TRMT2B: variants seen among roughly 807,000 people sequenced by gnomAD.
TRMT2B encodes tRNA (uracil-5-)-methyltransferase homolog B.
A neutral mutation model predicts 39.7 loss-of-function variants in TRMT2B; 34 were observed. The observed-to-expected ratio is 0.86, with a 90% confidence interval of 0.65 to 1.14. The LOEUF (loss-of-function observed/expected upper bound fraction) is 1.14, where lower values mean the gene tolerates loss of function less well. Among genes scored for constraint, TRMT2B ranks in the 50% most tolerant of loss-of-function variants. TRMT2B has a pLI of 0.00. For synonymous variants in TRMT2B, 132 were observed against 137.3 expected, an observed-to-expected ratio of 0.96 and a Z score of 0.27; for missense variants, 318 against 377.2, an observed-to-expected ratio of 0.84 and a Z score of 1.30.
At position 101,023,629 on chromosome X, in the gene TRMT2B, C is replaced by A. The variant is rs1569478210; in HGVS notation, c.610-13G>T. 6.7e-6 allele frequency: 8 copies of A among 1,185,917 alleles called. No individual in the cohort carries two copies. Among genetic ancestry groups the A allele is most frequent in the Non-Finnish European group, 9.1e-6 (8 of 876,427 alleles). On this transcript the variant is annotated splice_polypyrimidine_tract_variant and intron_variant, in intron 7 of 13. Transcript: ENST00000372936. ...ATACTTCATAGTACTAGGAAGAGAA[C>A]CGAATTATTACACAAGCAAAACTAG...
At chrX:100,979,493 T>A in the TRMT2B span, among the ~76,000 whole-genome samples, 1 of 112,303 alleles carries the variant, frequency 8.9e-6, no homozygotes, top group African/African-American at 3.2e-5. Flanking sequence ...TCTGATAAAT[T>A]CTGAATTCCT....
At chrX:101,039,996 G>T (rs1196046906) in intron 4 of TRMT2B, among the ~76,000 whole-genome samples, 1 of 110,949 alleles carries the variant, frequency 9.0e-6, no homozygotes, top group Non-Finnish European at 1.9e-5. Flanking sequence ...GTGGGTATCA[G>T]AAGAACTGCA....
At chrX:101,037,421 C>A in intron 5 of TRMT2B, 1 of 187,058 alleles carries the variant, frequency 5.3e-6, no homozygotes, top group Admixed American at 7.1e-5. Flanking sequence ...GGCTGTGTTC[C>A]AATAAAACTT....
chrX:101,007,086 T>C (rs2086113444), downstream of TRMT2B, among the ~76,000 whole-genome samples: 1 of 111,448 alleles, frequency 9.0e-6, no homozygotes, highest in South Asian at 3.7e-4. Flanking sequence ...AGGAAGTTGA[T>C]TTTCCATAGC....
At chrX:100,990,072 A>G in the TRMT2B span, among the ~76,000 whole-genome samples, 1 of 112,953 alleles carries the variant, frequency 8.9e-6, no homozygotes, top group East Asian at 2.8e-4. Context: ...TGGGACACAG[A>G]TAAGATGTTA....
chrX:100,995,882 C>T, the TRMT2B span, among the ~76,000 whole-genome samples: 2 of 112,191 alleles, frequency 1.8e-5, no homozygotes, highest in African/African-American at 6.5e-5. Flanking sequence ...TATAAGAGCA[C>T]TTCTCTAAAG....
At chrX:101,018,676 C>T (rs1321158559) in intron 13 of TRMT2B, among the ~76,000 whole-genome samples, 3 of 110,958 alleles carry the variant, frequency 2.7e-5, no homozygotes, top group Admixed American at 9.7e-5. Context: ...TGGTCTTGAA[C>T]TCCTGAGCTC....
At chrX:101,024,536 A>C (rs1163568188) in intron 7 of TRMT2B, among the ~76,000 whole-genome samples, 1 of 111,356 alleles carries the variant, frequency 9.0e-6, no homozygotes, top group Non-Finnish European at 1.9e-5. Context: ...AAAATAAAAA[A>C]AATTAGGCCG....
At chrX:101,048,910 T>C (rs2088866960) in intron 2 of TRMT2B, among the ~76,000 whole-genome samples, 1 of 112,218 alleles carries the variant, frequency 8.9e-6, no homozygotes, top group Non-Finnish European at 1.9e-5. Flanking sequence ...ATATGACATG[T>C]TCAGGACTGT....
the TRMT2B span, among the ~76,000 whole-genome samples, chrX:100,984,869 T>C: frequency 8.9e-6 from 1 of 112,269 alleles, no homozygotes; most frequent in African/African-American, 3.2e-5. Flanking sequence ...ATTTATCAGA[T>C]TAATCCAATA....
chrX:101,037,025 C>T lies in TRMT2B; in HGVS notation c.487G>A (p.Gly163Ser). The T allele has an allele frequency of 8.3e-7, 1 of 1,211,484 alleles. No homozygotes were observed. Among genetic ancestry groups the T allele is most frequent in the Non-Finnish European group, 1.1e-6 (1 of 895,426 alleles). The change falls in exon 6 of 14, where the codon GGT becomes AGT. Residue 163 changes from glycine (G) to serine (S), a missense_variant. Physicochemically the swap from Gly to Ser is moderately conservative, Grantham distance 56 (BLOSUM62 0). Transcript: ENST00000372936. ...ACAGTCTTTGGATTGCCATCTGGACCTCGGTTCACAGAGAAGGTGGACTTA... is the reference window on the plus strand; with the variant it reads ...ACAGTCTTTGGATTGCCATCTGGACTTCGGTTCACAGAGAAGGTGGACTTA... Reference protein sequence around the residue: ...RNKSTFSVNRGPDGNPKTVGF... With the variant: ...RNKSTFSVNRSPDGNPKTVGF...
chrX:101,023,381 C>T, intron 8 of TRMT2B, 89 bp downstream of exon 8: 1 of 949,327 alleles, frequency 1.1e-6, no homozygotes, highest in Non-Finnish European at 1.5e-6. Flanking sequence ...ACTGTTTCTG[C>T]TATATGCCCT....
the TRMT2B span, among the ~76,000 whole-genome samples, chrX:100,997,900 C>A: frequency 9.0e-6 from 1 of 111,594 alleles, no homozygotes; most frequent in Admixed American, 9.6e-5. Flanking sequence ...AACACCCACA[C>A]CAACAGGGAA....
At position 101,019,084 on chromosome X, in the gene TRMT2B, C is replaced by T; in HGVS notation, c.1289-14G>A. The T allele has an allele frequency of 8.7e-7, 1 of 1,145,000 alleles. No individual in the cohort carries two copies. 94.4% of individuals were successfully genotyped at this position (1,145,000 alleles called of 1,213,427 possible). A position where few individuals can be genotyped will look rare whatever the true frequency, so the allele number is the denominator to read the frequency against. On this transcript the variant is annotated splice_polypyrimidine_tract_variant and intron_variant, in intron 12 of 13. Transcript: ENST00000372936. ...TCACCTTGTAATCTGAAGGAAGAAA[C>T]ACCTTGCTATTAGTATAATTAACTA...
chrX:101,020,436 C>T, intron 11 of TRMT2B, 51 bp downstream of exon 11: 3 of 1,042,938 alleles, frequency 2.9e-6, no homozygotes, highest in Non-Finnish European at 4.0e-6. Context: ...CTTTCCATAG[C>T]ACAGAAACAA....
intron 13 of TRMT2B, among the ~76,000 whole-genome samples, chrX:101,018,553 G>A (rs1053297807): frequency 1.8e-5 from 2 of 108,651 alleles, no homozygotes; most frequent in African/African-American, 6.7e-5. Flanking sequence ...GGGTTCAAGC[G>A]ATTCTCCTGT....
At chrX:100,984,039 C>T in the TRMT2B span, among the ~76,000 whole-genome samples, 3 of 110,841 alleles carry the variant, frequency 2.7e-5, no homozygotes, top group African/African-American at 9.8e-5. Flanking sequence ...GAGAGCTAGG[C>T]TAGAACGGTC....
At chrX:101,036,907 T>C in intron 6 of TRMT2B, 67 bp downstream of exon 6, 1 of 876,280 alleles carries the variant, frequency 1.1e-6, no homozygotes, top group Non-Finnish European at 1.7e-6. Flanking sequence ...ATTTTCCACT[T>C]CTACTGACAC....
At chrX:101,004,856 A>G (rs2086090128), downstream of TRMT2B, among the ~76,000 whole-genome samples, 1 of 111,581 alleles carries the variant, frequency 9.0e-6, no homozygotes, top group Non-Finnish European at 1.9e-5. Context: ...CTTCAAGTTT[A>G]TAAGAAATTT....
Sources: allele counts gnomAD v4.1 joint callset (sites outside exome capture counted in the v4.1 genomes callset), GRCh38; gene constraint gnomAD v4.1.1; transcripts MANE v1.5; gene names NCBI Gene and HGNC (gene_info 2026-07-23, HGNC 2026-07-21).